Variants in TMF1 observed in about 807,000 individuals in gnomAD.
The protein encoded by TMF1 is TATA element modulatory factor.
Under a neutral mutation model 126.5 loss-of-function variants are expected in TMF1, and 71 were observed. That is an observed-to-expected ratio of 0.56 (90% confidence interval 0.46 to 0.68). TMF1 has a LOEUF of 0.68. Ranked by LOEUF, TMF1 falls within the 30% of genes least tolerant of loss-of-function variation. TMF1 has a pLI of 0.00. For missense variants in TMF1, 1,259 were observed against 1,253.2 expected (o/e 1.00, Z -0.07); for synonymous variants, 461 against 430.5 (o/e 1.07, Z -0.88).
intron 5 of TMF1, among the ~76,000 whole-genome samples, chr3:69,041,392 G>A (rs78062898): frequency 0.012 from 1,812 of 152,146 alleles, 43 homozygotes; most frequent in African/African-American, 0.041. Flanking sequence ...CATACTAACC[G>A]TTCAATAAAT....
At position 69,026,054 on chromosome 3, in the gene TMF1, C is replaced by T. The variant is rs1322187745; in HGVS notation, c.2801G>A (p.Arg934His). Residue 934 changes from arginine to histidine, a missense_variant, in exon 14 of 17, where the codon CGC (arginine) becomes CAC (histidine). Transcript: ENST00000398559. ...FSVSSTPTMS[R>H]SSSISGVDMA... is the part of the protein sequence containing the mutation. ...ATCAACACCACTTATTGAACTTGAG[C>T]GTGACATGGTGGGAGTGCTAGAAAC... The T allele has an allele frequency of 6.2e-7, 1 of 1,614,000 alleles. No homozygotes were observed. Among genetic ancestry groups the T allele is most frequent in the African/African-American group, 1.3e-5 (1 of 75,010 alleles).
intron 10 of TMF1, 34 bp downstream of exon 10, chr3:69,033,514 C>A (rs1198826161): frequency 6.3e-7 from 1 of 1,591,890 alleles, no homozygotes. Flanking sequence ...GATGGAAGAG[C>A]TTCTGCATCG....
chr3:69,023,779 A>T (rs570520706), intron 16 of TMF1, among the ~76,000 whole-genome samples: 10 of 152,126 alleles, frequency 6.6e-5, no homozygotes, highest in Non-Finnish European at 1.5e-4. Flanking sequence ...ACAAAATATT[A>T]CTAAGATCAT....
At chr3:69,042,518 A>G in intron 5 of TMF1, 1 of 534,426 alleles carries the variant, frequency 1.9e-6, no homozygotes, top group Non-Finnish European at 3.6e-6. Context: ...TTTAAATGAC[A>G]GGCTCTTAAG....
At position 69,043,775 on chromosome 3, in the gene TMF1, C is replaced by A; in HGVS notation, c.1553G>T (p.Cys518Phe). 1.2e-6 allele frequency: 2 copies of A among 1,610,296 alleles called. No homozygotes were observed. Among genetic ancestry groups the A allele is most frequent in the Non-Finnish European group, 1.7e-6 (2 of 1,178,402 alleles). ...AEAEKKVQLA[C>F]KERDAAKKEI... ...CTTTTTAGCAGCATCTCTCTCTTTGCAGGCTAGTTGAACTTTCTTTTCTGC... is the reference window on the plus strand; with the variant it reads ...CTTTTTAGCAGCATCTCTCTCTTTGAAGGCTAGTTGAACTTTCTTTTCTGC... The change falls in exon 4 of 17, where the codon TGC becomes TTC. Residue 518 changes from cysteine (C) to phenylalanine (F), a missense_variant. Physicochemically the swap from Cys to Phe is radical, Grantham distance 205. Coordinates refer to ENST00000398559, the MANE Select transcript of TMF1 (RefSeq NM_007114.3).
Position 69,052,184 on chromosome 3 carries a change from C to G in TMF1, c.-98G>C. 1 of 1,368,682 alleles carries G rather than the reference C, an allele frequency of 7.3e-7. No individual in the cohort carries two copies. The highest frequency in any genetic ancestry group is 9.8e-7 in the Non-Finnish European group (1 of 1,025,244). The allele number at this position is 1,368,682 out of a possible 1,614,324, so 84.8% of individuals were successfully genotyped here. A position where few individuals can be genotyped will look rare whatever the true frequency, so the allele number is the denominator to read the frequency against. On this transcript the variant is annotated 5_prime_UTR_variant, in exon 1 of 17. Coordinates refer to ENST00000398559, the MANE Select transcript of TMF1 (RefSeq NM_007114.3). Reference sequence around the variant, plus strand: ...GGAACGGCTTCGCTCCCCTTTTCCACTCGGCTGGTTCTGTCAGCGTGTGGC... The same window carrying G: ...GGAACGGCTTCGCTCCCCTTTTCCAGTCGGCTGGTTCTGTCAGCGTGTGGC...
intron 2 of TMF1, 117 bp from the exon 3 acceptor site, chr3:69,044,712 A>G (rs2091886045): frequency 1.6e-6 from 1 of 617,788 alleles, no homozygotes; most frequent in African/African-American, 1.9e-5. Flanking sequence ...ACAATCAAGA[A>G]CAGTATTAGG....
Position 69,045,956 on chromosome 3 carries a change from T to TACC in TMF1, c.1348-1362_1348-1361insGGT, listed in dbSNP as rs765579675. Among the ~76,000 whole-genome samples, 190 of 151,600 alleles carry TACC rather than the reference T, an allele frequency of 1.3e-3. 1 individual carries two copies. The highest frequency in any genetic ancestry group is 1.8e-3 in the Non-Finnish European group (119 of 67,864). ...CTATGGTCCCAGCTACTAGAGCGGATTAGGTGGGAGGACTGCTTGAGCCCA... is the reference window on the plus strand; with the variant it reads ...CTATGGTCCCAGCTACTAGAGCGGATACCTAGGTGGGAGGACTGCTTGAGCCCA... On this transcript the variant is annotated intron_variant, in intron 2 of 16. Coordinates refer to ENST00000398559, the MANE Select transcript of TMF1 (RefSeq NM_007114.3).
rs1228465351 is a variant in TMF1 at position 69,020,802 on chromosome 3, G to A, written c.*2375C>T. On this transcript the variant is annotated 3_prime_UTR_variant, in exon 17 of 17. Transcript: ENST00000398559. Reference sequence around the variant, plus strand: ...ATGGTAATATGTAACTAGAAACTATGTAACTAGAAATTGTTAATACGGATA... The same window carrying A: ...ATGGTAATATGTAACTAGAAACTATATAACTAGAAATTGTTAATACGGATA... 2.0e-5 allele frequency: 3 copies of A among 152,112 alleles called. No homozygotes were observed. Among genetic ancestry groups the A allele is most frequent in the African/African-American group, 7.2e-5 (3 of 41,426 alleles). The allele number at this position is 152,112 out of a possible 1,614,324, so 9.4% of individuals were successfully genotyped here. A position where few individuals can be genotyped will look rare whatever the true frequency, so the allele number is the denominator to read the frequency against.
chr3:69,052,255 C>A lies in TMF1; in HGVS notation c.-169G>T, dbSNP rs1481300858. 4.5e-6 allele frequency: 3 copies of A among 666,456 alleles called. No homozygotes were observed. Among genetic ancestry groups the A allele is most frequent in the African/African-American group, 1.9e-5 (1 of 53,756 alleles). The allele number at this position is 666,456 out of a possible 1,614,324, so 41.3% of individuals were successfully genotyped here. On this transcript the variant is annotated 5_prime_UTR_variant, in exon 1 of 17. Coordinates refer to ENST00000398559, the MANE Select transcript of TMF1 (RefSeq NM_007114.3). ...GCGAGCCCGGGATGTTACCCTCGGCCGTTCCCGCACAGCTGAGACGAAGGG... is the reference window on the plus strand; with the variant it reads ...GCGAGCCCGGGATGTTACCCTCGGCAGTTCCCGCACAGCTGAGACGAAGGG...
chr3:69,023,322 T>A lies in TMF1; in HGVS notation c.3139-2A>T. On this transcript the variant is annotated splice_acceptor_variant, in intron 16 of 16. Transcript: ENST00000398559. LOFTEE classifies it high-confidence loss of function. The stretch of plus-strand genomic sequence containing the variant: ...AGTGTTGTACCTTTGATCCAAATCC[T>A]GAAAAATGTATTTGTTTACAATTTT... 6.2e-7 allele frequency: 1 copy of A among 1,603,368 alleles called. No homozygotes were observed. The highest frequency in any genetic ancestry group is 8.5e-7 in the Non-Finnish European group (1 of 1,175,870).
In TMF1 at chr3:69,023,045, T is replaced by A; in HGVS notation, c.*132A>T. 1.3e-6 allele frequency: 1 copy of A among 791,074 alleles called. No homozygotes were observed. Among genetic ancestry groups the A allele is most frequent in the African/African-American group, 1.8e-5 (1 of 56,574 alleles). 49.0% of individuals were successfully genotyped at this position (791,074 alleles called of 1,614,324 possible). A position where few individuals can be genotyped will look rare whatever the true frequency, so the allele number is the denominator to read the frequency against. On this transcript the variant is annotated 3_prime_UTR_variant, in exon 17 of 17. Transcript: ENST00000398559. The stretch of plus-strand genomic sequence containing the variant: ...ATATTACTACATAGTGTAAAACAAT[T>A]TTAAAAAAATTTTTACACTCTACAG...
At chr3:69,024,251 T>G in intron 15 of TMF1, 71 bp from the exon 16 acceptor site, 1 of 1,338,828 alleles carries the variant, frequency 7.5e-7, no homozygotes, top group Non-Finnish European at 9.9e-7. Context: ...AATATAAAAA[T>G]ATTTAATGTG....
chr3:69,036,463 A>G lies in TMF1; in HGVS notation c.2152-1348T>C, dbSNP rs192648539. On this transcript the variant is annotated intron_variant, in intron 8 of 16. Coordinates refer to ENST00000398559, the MANE Select transcript of TMF1 (RefSeq NM_007114.3). ...ATAAACTGTCATTTATGTAAAAAGG[A>G]TGTAGGAGACAGAAATAGGTGTATA... 5.9e-3 allele frequency among the ~76,000 whole-genome samples: 904 copies of G among 152,328 alleles called. 7 individuals are homozygous for G. Among genetic ancestry groups the G allele is most frequent in the Non-Finnish European group, 0.01 (682 of 68,002 alleles).
At chr3:69,026,179 G>A (rs527443185) in intron 13 of TMF1, 82 bp from the exon 14 acceptor site, 18 of 864,426 alleles carry the variant, frequency 2.1e-5, no homozygotes, top group Non-Finnish European at 3.4e-5. Context: ...TAGGGTTAAT[G>A]AGAACAAAGA....
rs1181858944 is a variant in TMF1, at chr3:69,033,670, A to T, written c.2279T>A (p.Leu760Gln). ...LQEAENRNQE[L>Q]SQSVSSTTRP... ...TGTTGTTGATGAAACACTTTGACTCAGTTCCTGGTTTCGATTCTCTGCTTC... is the reference window on the plus strand; with the variant it reads ...TGTTGTTGATGAAACACTTTGACTCTGTTCCTGGTTTCGATTCTCTGCTTC... Residue 760 changes from leucine (L) to glutamine (Q), a missense_variant, in exon 10 of 17, where the codon CTG (leucine) becomes CAG (glutamine). Coordinates refer to ENST00000398559, the MANE Select transcript of TMF1 (RefSeq NM_007114.3). 1 of 1,612,804 alleles carries T rather than the reference A, an allele frequency of 6.2e-7. No homozygotes were observed. Among genetic ancestry groups the T allele is most frequent in the Non-Finnish European group, 8.5e-7 (1 of 1,179,682 alleles).
chr3:69,045,520 C>G (rs1575819261), intron 2 of TMF1, among the ~76,000 whole-genome samples: 1 of 152,004 alleles, frequency 6.6e-6, no homozygotes, highest in South Asian at 2.1e-4. Flanking sequence ...TGGCTCATGC[C>G]TGTAATCCCA....
chr3:69,033,850 A>G, intron 9 of TMF1, 146 bp from the exon 10 acceptor site: 1 of 768,696 alleles, frequency 1.3e-6, no homozygotes, highest in South Asian at 2.2e-5. Context: ...TTAATTTTAG[A>G]AACGGGGTCC....
rs932809034 is a variant in TMF1, at chr3:69,024,381, C to T, written c.3013-201G>A. On this transcript the variant is annotated intron_variant, in intron 15 of 16. Coordinates refer to ENST00000398559, the MANE Select transcript of TMF1 (RefSeq NM_007114.3). ...GTCCCAACTTTCCTGAGAGGTATAC[C>T]GTTTATAAGGTTTACTGTGCAACAG... The T allele has an allele frequency of 1.3e-5, 5 of 399,314 alleles. 1 individual carries two copies. The highest frequency in any genetic ancestry group is 2.1e-5 in the African/African-American group (1 of 47,128). 24.7% of individuals were successfully genotyped at this position (399,314 alleles called of 1,614,324 possible).
Sources: gnomAD v4.1 joint callset for allele counts (sites outside exome capture counted in the v4.1 genomes callset) on GRCh38, gnomAD v4.1.1 for gene constraint, MANE v1.5 for transcripts, NCBI Gene and HGNC (gene_info 2026-07-23, HGNC 2026-07-21) for gene names.